Variants in SASH1 observed in about 807,000 individuals in gnomAD.
SASH1 encodes the protein SAM and SH3 domain-containing protein 1.
SASH1 carries 44 observed loss-of-function variants against 125.2 expected under a neutral mutation model. The observed-to-expected ratio is 0.35, with a 90% CI of 0.28 to 0.45. SASH1 has a LOEUF of 0.45. SASH1 is among the 20% of genes least tolerant of loss of function. The pLI is 1.00. For synonymous variants in SASH1, 639 were observed against 649.1 expected (o/e 0.98, Z 0.24); for missense variants, 1,426 against 1,614.5 (o/e 0.88, Z 2.00).
At chr6:148,323,025 T>C (rs1338886140) in intron 1 of SASH1, among the ~76,000 whole-genome samples, 3 of 149,720 alleles carry the variant, frequency 2.0e-5, no homozygotes, top group African/African-American at 4.9e-5. Context: ...TCTTTCCTTT[T>C]CTTTCTTCCT....
At chr6:148,360,853 T>C (rs1225553231) in intron 1 of SASH1, among the ~76,000 whole-genome samples, 3 of 152,278 alleles carry the variant, frequency 2.0e-5, no homozygotes, top group South Asian at 2.1e-4. Flanking sequence ...TGATTTTTTT[T>C]CCCACAAAAA....
chr6:148,254,312 G>A, the SASH1 span, among the ~76,000 whole-genome samples: 2 of 151,994 alleles, frequency 1.3e-5, no homozygotes, highest in Admixed American at 6.6e-5. Flanking sequence ...TATACAAAGA[G>A]TGATAACAAC....
intron 2 of SASH1, among the ~76,000 whole-genome samples, chr6:148,401,904 T>A (rs562354623): frequency 2.6e-5 from 4 of 152,308 alleles, no homozygotes; most frequent in East Asian, 3.9e-4. Context: ...TGTTTGTATG[T>A]GTGTGTCCTT....
intron 1 of SASH1, among the ~76,000 whole-genome samples, chr6:148,303,822 T>TAAATAAATA (rs1554231835): frequency 6.8e-6 from 1 of 146,320 alleles, no homozygotes; most frequent in Admixed American, 6.8e-5. Context: ...AATAAATAAA[T>TAAATAAATA]AAATAAAATA....
Position 148,324,118 on chromosome 6 carries a change from C to CAAAAAAAAAAA in SASH1, n.74+51749_74+51759dup, listed in dbSNP as rs56950339. Among the ~76,000 whole-genome samples the CAAAAAAAAAAA allele has an allele frequency of 8.5e-3, 507 of 59,340 alleles. 92 individuals are homozygous for CAAAAAAAAAAA. The highest frequency in any genetic ancestry group is 0.029 in the East Asian group (44 of 1,498). The allele number at this position is 59,340 out of a possible 152,430, so 38.9% of individuals were successfully genotyped here. A position where few individuals can be genotyped will look rare whatever the true frequency, so the allele number is the denominator to read the frequency against. On this transcript the variant is annotated intron_variant and non_coding_transcript_variant, in intron 1 of 3. Coordinates refer to the SASH1 transcript ENST00000367469. ...GTGGTGACAGAGCAAGAATCTGTCTCAAAAAAAAAAAAAAAAAACAAGCAT... is the reference window on the plus strand; with the variant it reads ...GTGGTGACAGAGCAAGAATCTGTCTCAAAAAAAAAAAAAAAAAAAAAAAAAAAAACAAGCAT...
At chr6:148,416,794 T>G (rs1009700271) in intron 2 of SASH1, among the ~76,000 whole-genome samples, 5 of 152,196 alleles carry the variant, frequency 3.3e-5, no homozygotes, top group African/African-American at 1.2e-4. Context: ...CTTAGCAACC[T>G]TGGGTTTTTG....
At chr6:148,335,298 AG>A (rs1428154462) in intron 1 of SASH1, among the ~76,000 whole-genome samples, 6 of 149,698 alleles carry the variant, frequency 4.0e-5, no homozygotes, top group African/African-American at 7.4e-5. Flanking sequence ...ACTCTGTCTC[AG>A]GAAAAAAAAA....
intron 1 of SASH1, among the ~76,000 whole-genome samples, chr6:148,350,558 A>G (rs1433504122): frequency 6.6e-6 from 1 of 152,202 alleles, no homozygotes; most frequent in Non-Finnish European, 1.5e-5. Flanking sequence ...AAGAGGAAAA[A>G]CTATTGTTTA....
chr6:148,512,557 T>C (rs1428179260), intron 8 of SASH1: 5 of 985,152 alleles, frequency 5.1e-6, no homozygotes, highest in African/African-American at 1.7e-5. Context: ...ATGTCAACAA[T>C]CCAACCAAGT....
chr6:148,468,758 A>T, intron 5 of SASH1, 173 bp downstream of exon 5: 2 of 532,686 alleles, frequency 3.8e-6, no homozygotes. Context: ...AAAAAATATA[A>T]TTGTGATCAT....
chr6:148,534,630 T>A, intron 15 of SASH1, 121 bp from the exon 16 acceptor site: 1 of 946,684 alleles, frequency 1.1e-6, no homozygotes, highest in East Asian at 2.4e-5. Context: ...TACTTACTAA[T>A]CTTTTGATTA....
chr6:148,255,611 TTGAAAGAATCAC>T, the SASH1 span, among the ~76,000 whole-genome samples: 1 of 152,176 alleles, frequency 6.6e-6, no homozygotes, highest in Non-Finnish European at 1.5e-5. Context: ...GGTCTGAGGC[TTGAAAGAATCAC>T]TGAGGCTTTT....
rs56067798 is a variant in SASH1 at position 148,456,873 on chromosome 6, C to CAATAATAATAATAATAATAATAATAAT, written c.387-11670_387-11644dup. ...GAGTGAGACCCAGAGTGTCTCATAACAATAATAATAATAATAATAATAATA... is the reference window on the plus strand; with the variant it reads ...GAGTGAGACCCAGAGTGTCTCATAACAATAATAATAATAATAATAATAATAATAATAATAATAATAATAATAATAATA... On this transcript the variant is annotated intron_variant, in intron 4 of 19. Coordinates refer to ENST00000367467, the MANE Select transcript of SASH1 (RefSeq NM_015278.5). Among the ~76,000 whole-genome samples the CAATAATAATAATAATAATAATAATAAT allele has an allele frequency of 6.2e-4, 88 of 142,306 alleles. 1 individual carries two copies. Among genetic ancestry groups the CAATAATAATAATAATAATAATAATAAT allele is most frequent in the Middle Eastern group, 3.6e-3 (1 of 278 alleles). The allele number at this position is 142,306 out of a possible 152,430, so 93.4% of individuals were successfully genotyped here. A position where few individuals can be genotyped will look rare whatever the true frequency, so the allele number is the denominator to read the frequency against.
chr6:148,497,155 G>T (rs1779348276), intron 8 of SASH1, among the ~76,000 whole-genome samples: 1 of 152,154 alleles, frequency 6.6e-6, no homozygotes, highest in African/African-American at 2.4e-5. Context: ...CTACAGCTTA[G>T]GGTGAGACTA....
chr6:148,487,626 G>A lies in SASH1; in HGVS notation c.640G>A (p.Glu214Lys), dbSNP rs758197362. 2.5e-6 allele frequency: 4 copies of A among 1,612,990 alleles called. No individual in the cohort carries two copies. Among genetic ancestry groups the A allele is most frequent in the East Asian group, 2.2e-5 (1 of 44,736 alleles). ...CTTCTTGTTACAGCTCAAGGAATACGAGGCCCAGCACCGGCAGTCGGCTGC... is the reference window on the plus strand; with the variant it reads ...CTTCTTGTTACAGCTCAAGGAATACAAGGCCCAGCACCGGCAGTCGGCTGC... ...EEALARLKEY[E>K]AQHRQSAALD... Residue 214 changes from glutamate (E) to lysine (K), a missense_variant, in exon 8 of 20, where the codon GAG becomes AAG. This residue lies in a region of SASH1 where 567 missense variants were observed against 575.6 expected (regional missense o/e 0.99). Transcript: ENST00000367467.
At chr6:148,277,484 G>A (rs774691018) in intron 1 of SASH1, among the ~76,000 whole-genome samples, 26 of 152,148 alleles carry the variant, frequency 1.7e-4, no homozygotes, top group Non-Finnish European at 3.1e-4. Context: ...AGAGACACAG[G>A]GCAGAAGTGA....
At chr6:148,512,987 A>C in intron 8 of SASH1, 1 of 985,374 alleles carries the variant, frequency 1.0e-6, no homozygotes, top group Non-Finnish European at 1.2e-6. Flanking sequence ...AGTTGTTTAT[A>C]TCCCTTACTA....
At chr6:148,391,422 TAAAAAAAAAAAAAA>T (rs398038813) in intron 2 of SASH1, among the ~76,000 whole-genome samples, 10 of 114,442 alleles carry the variant, frequency 8.7e-5, no homozygotes, top group Non-Finnish European at 9.1e-5. Context: ...GACACTTTTA[TAAAAAAAAAAAAAA>T]AAAAAAAAAT....
At chr6:148,423,390 A>T (rs898987950) in intron 2 of SASH1, among the ~76,000 whole-genome samples, 29 of 152,256 alleles carry the variant, frequency 1.9e-4, no homozygotes, top group African/African-American at 6.8e-4. Flanking sequence ...ATATTTAAAG[A>T]TGGTTAGAAA....
Sources: allele counts gnomAD v4.1 joint callset (sites outside exome capture counted in the v4.1 genomes callset), GRCh38; gene constraint gnomAD v4.1.1; regional missense constraint gnomAD v4.1.1; transcripts MANE v1.5; gene names NCBI Gene and HGNC (gene_info 2026-07-23, HGNC 2026-07-21).